TAOK1: variants seen among roughly 807,000 people sequenced by gnomAD.
TAOK1 encodes the protein TAO kinase 1, also known as serine/threonine-protein kinase TAO1.
Under a neutral mutation model 138.3 loss-of-function variants are expected in TAOK1, and 21 were observed. The observed-to-expected ratio is 0.15, with a 90% CI of 0.11 to 0.22. The LOEUF is 0.22. Among genes scored for constraint, TAOK1 ranks in the 10% least tolerant of loss-of-function variants. The pLI, the probability that TAOK1 is intolerant of heterozygous loss-of-function variation, is 1.00. For missense variants in TAOK1, 651 were observed against 1,227.7 expected, an observed-to-expected ratio of 0.53 and a Z score of 7.02; for synonymous variants, 361 against 398.4, an observed-to-expected ratio of 0.91 and a Z score of 1.12.
At chr17:29,466,762 C>T (rs1015343983) in intron 2 of TAOK1, among the ~76,000 whole-genome samples, 1 of 151,456 alleles carries the variant, frequency 6.6e-6, no homozygotes, top group Non-Finnish European at 1.5e-5. Flanking sequence ...GTCTTTAGGT[C>T]AGTTTTAGTA....
chr17:29,453,620 A>G (rs1452821465), intron 2 of TAOK1, among the ~76,000 whole-genome samples: 1 of 151,462 alleles, frequency 6.6e-6, no homozygotes, highest in Non-Finnish European at 1.5e-5. Context: ...TCTGTTGCCC[A>G]GGCTGGAGTG....
intron 1 of TAOK1, among the ~76,000 whole-genome samples, chr17:29,392,340 A>T (rs570708281): frequency 3.2e-4 from 49 of 152,254 alleles, no homozygotes; most frequent in South Asian, 1.7e-3. Context: ...GATTTTTTTT[A>T]AAATGGTAAG....
chr17:29,546,682 G>A lies in TAOK1; in HGVS notation c.*3660G>A, dbSNP rs760664967. The stretch of plus-strand genomic sequence containing the variant: ...ATTAAATATGCACATTTTTGGTATA[G>A]CTATTATCATTTGTATGTATATATT... On this transcript the variant is annotated 3_prime_UTR_variant, in exon 20 of 20. Transcript: ENST00000261716. The A allele has an allele frequency of 6.6e-6, 1 of 152,072 alleles. No homozygotes were observed. The highest frequency in any genetic ancestry group is 2.4e-5 in the African/African-American group (1 of 41,498). 9.4% of individuals were successfully genotyped at this position (152,072 alleles called of 1,614,324 possible).
rs3058623 is a variant in TAOK1 at position 29,465,837 on chromosome 17, C to CTTTTTTTTTTTTTTTTTTTTTT, written c.133-1302_133-1281dup. Among the ~76,000 whole-genome samples the CTTTTTTTTTTTTTTTTTTTTTT allele has an allele frequency of 5.7e-4, 26 of 45,452 alleles. 10 individuals carry two copies. The highest frequency in any genetic ancestry group is 2.2e-3 in the African/African-American group (19 of 8,724). 29.8% of individuals were successfully genotyped at this position (45,452 alleles called of 152,430 possible). ...AAGAGTTAACTGTCAAGTTTCTGTG[C>CTTTTTTTTTTTTTTTTTTTTTT]TTTTTTTTTTTTTTTTTTTTTTTTT... On this transcript the variant is annotated intron_variant, in intron 2 of 19. Coordinates refer to ENST00000261716, the MANE Select transcript of TAOK1 (RefSeq NM_020791.4).
At position 29,498,369 on chromosome 17, in the gene TAOK1, A is replaced by G; in HGVS notation, c.1051A>G (p.Asn351Asp). ...RTGTVNSVGS[N>D]QSIPSMSISA... ...AGGAACAGTTAATAGTGTTGGAAGT[A>G]ATCAATCCATTCCCAGCATGTCCAT... The change falls in exon 12 of 20, where the codon AAT becomes GAT. Residue 351 changes from asparagine (N) to aspartate (D), a missense_variant. By Grantham distance (23) the Asn-to-Asp change is conservative. Coordinates refer to ENST00000261716, the MANE Select transcript of TAOK1 (RefSeq NM_020791.4). 1 of 1,614,190 alleles carries G rather than the reference A, an allele frequency of 6.2e-7. No homozygotes were observed. Among genetic ancestry groups the G allele is most frequent in the South Asian group, 1.1e-5 (1 of 91,084 alleles).
intron 19 of TAOK1, among the ~76,000 whole-genome samples, chr17:29,535,696 A>G (rs1163799554): frequency 6.6e-6 from 1 of 151,936 alleles, no homozygotes; most frequent in East Asian, 1.9e-4. Context: ...TCTACAAAAA[A>G]TACAAAAATT....
chr17:29,460,752 C>A (rs1306484440), intron 2 of TAOK1, among the ~76,000 whole-genome samples: 2 of 151,978 alleles, frequency 1.3e-5, no homozygotes, highest in South Asian at 4.2e-4. Context: ...TATCAGAGAT[C>A]GAAGCAGAGA....
chr17:29,534,477 C>T (rs1226154357), intron 19 of TAOK1, among the ~76,000 whole-genome samples, 177 bp downstream of exon 19: 1 of 152,090 alleles, frequency 6.6e-6, no homozygotes, highest in Non-Finnish European at 1.5e-5. Context: ...ACTGATGAAC[C>T]TTATCATTAA....
chr17:29,439,004 C>T (rs931457894), intron 1 of TAOK1, among the ~76,000 whole-genome samples: 4 of 152,034 alleles, frequency 2.6e-5, no homozygotes, highest in South Asian at 2.1e-4. Flanking sequence ...TGCTATGTTA[C>T]GTAGACACTT....
chr17:29,446,720 A>C (rs2030088381), intron 1 of TAOK1, among the ~76,000 whole-genome samples: 1 of 148,696 alleles, frequency 6.7e-6, no homozygotes, highest in South Asian at 2.1e-4. Context: ...GATTATAGTA[A>C]TTGTATTTTT....
rs35494186 is a variant in TAOK1 at position 29,423,158 on chromosome 17, CTT to C, written c.-94-28284_-94-28283del. 2.8e-3 allele frequency among the ~76,000 whole-genome samples: 336 copies of C among 120,654 alleles called. 1 individual carries two copies. The highest frequency in any genetic ancestry group is 9.0e-3 in the African/African-American group (276 of 30,592). The allele number at this position is 120,654 out of a possible 152,430, so 79.2% of individuals were successfully genotyped here. A position where few individuals can be genotyped will look rare whatever the true frequency, so the allele number is the denominator to read the frequency against. ...CTGTGTTGTATTTAATTTGCTCTTCCTTTTTTTTTTTTTTAAGTTTCTTAATC... is the reference window on the plus strand; with the variant it reads ...CTGTGTTGTATTTAATTTGCTCTTCCTTTTTTTTTTTTAAGTTTCTTAATC... On this transcript the variant is annotated intron_variant, in intron 1 of 19. Coordinates refer to ENST00000261716, the MANE Select transcript of TAOK1 (RefSeq NM_020791.4).
intron 1 of TAOK1, among the ~76,000 whole-genome samples, chr17:29,393,474 G>GA (rs1904493871): frequency 1.3e-5 from 2 of 152,130 alleles, no homozygotes; most frequent in South Asian, 4.1e-4. Context: ...CATTATTAAG[G>GA]AAAAATTGCC....
intron 1 of TAOK1, among the ~76,000 whole-genome samples, chr17:29,396,128 C>G (rs911420926): frequency 6.6e-6 from 1 of 151,962 alleles, no homozygotes; most frequent in Non-Finnish European, 1.5e-5. Context: ...TTAAAGATGT[C>G]TCATACCTTC....
At chr17:29,488,723 C>G (rs1034928172) in intron 8 of TAOK1, among the ~76,000 whole-genome samples, 2 of 151,788 alleles carry the variant, frequency 1.3e-5, no homozygotes, top group Admixed American at 1.3e-4. Context: ...TACAGAAAGG[C>G]GACCATACTT....
intron 1 of TAOK1, among the ~76,000 whole-genome samples, chr17:29,445,596 T>C (rs1598483925): frequency 6.6e-6 from 1 of 152,234 alleles, no homozygotes; most frequent in East Asian, 1.9e-4. Context: ...CTTTAGTATG[T>C]CTAGAATGGA....
In TAOK1 at chr17:29,547,868, C is replaced by T. The variant is rs1007206625; in HGVS notation, c.*4846C>T. ...CTTAAAGGATGAAGAGTTGGCTGTACACTTAGCGGACTTGCCTCTTGTATG... is the reference window on the plus strand; with the variant it reads ...CTTAAAGGATGAAGAGTTGGCTGTATACTTAGCGGACTTGCCTCTTGTATG... On this transcript the variant is annotated 3_prime_UTR_variant, in exon 20 of 20. Transcript: ENST00000261716. The T allele has an allele frequency of 6.6e-6, 1 of 152,118 alleles. No individual in the cohort carries two copies. The highest frequency in any genetic ancestry group is 2.4e-5 in the African/African-American group (1 of 41,432). The allele number at this position is 152,118 out of a possible 1,614,324, so 9.4% of individuals were successfully genotyped here.
At chr17:29,411,381 G>A (rs577817635) in intron 1 of TAOK1, among the ~76,000 whole-genome samples, 2 of 151,536 alleles carry the variant, frequency 1.3e-5, no homozygotes, top group Admixed American at 1.3e-4. Context: ...GTGAGCCACC[G>A]CGCCCGGCCT....
At chr17:29,497,714 CAA>C (rs373537264) in intron 11 of TAOK1, among the ~76,000 whole-genome samples, 5 of 100,672 alleles carry the variant, frequency 5.0e-5, no homozygotes, top group Admixed American at 2.0e-4. Context: ...TATTGAAATA[CAA>C]AAAAAAAAAA....
rs1338821372 is a variant in TAOK1 at position 29,522,363 on chromosome 17, C to G, written c.1992C>G (p.Phe664Leu). The G allele has an allele frequency of 1.2e-6, 2 of 1,614,058 alleles. No individual in the cohort carries two copies. The highest frequency in any genetic ancestry group is 1.7e-6 in the Non-Finnish European group (2 of 1,180,048). ...ATGAATCTATGCAAGAACTGGAGTT[C>G]CGCCACCTCAACACAATTCAGAAGA... ...RQHESMQELEFRHLNTIQKMR... is the reference protein window; with the variant it reads ...RQHESMQELELRHLNTIQKMR... Residue 664 changes from phenylalanine (F) to leucine (L), a missense_variant, in exon 17 of 20, where the codon TTC (phenylalanine) becomes TTG (leucine). Physicochemically the swap from Phe to Leu is conservative, Grantham distance 22 (BLOSUM62 0). Around this residue, in one of 8 missense-constraint regions of TAOK1, gnomAD observed 258 missense variants for 548.9 expected, o/e 0.47. Coordinates refer to ENST00000261716, the MANE Select transcript of TAOK1 (RefSeq NM_020791.4).
Sources: gnomAD v4.1 joint callset for allele counts (sites outside exome capture counted in the v4.1 genomes callset) on GRCh38, gnomAD v4.1.1 for gene constraint, gnomAD v4.1.1 regional missense constraint, MANE v1.5 for transcripts, NCBI Gene and HGNC (gene_info 2026-07-23, HGNC 2026-07-21) for gene names.